RIPOR1: variants seen among roughly 807,000 people sequenced by gnomAD.
RIPOR1 encodes the protein RHO family interacting cell polarization regulator 1, also known as rho family-interacting cell polarization regulator 1.
In RIPOR1, 58 loss-of-function variants were observed where a neutral mutation model predicts 116.5. That is an observed-to-expected ratio of 0.50 (90% CI 0.40 to 0.62). The LOEUF is 0.62. Ranked by LOEUF, RIPOR1 falls within the 20% of genes least tolerant of loss-of-function variation. RIPOR1 has a pLI of 0.00. For synonymous variants in RIPOR1, 605 were observed against 650.0 expected, an observed-to-expected ratio of 0.93 and a Z score of 1.05; for missense variants, 1,372 against 1,586.2, an observed-to-expected ratio of 0.86 and a Z score of 2.29.
Position 67,543,003 on chromosome 16 carries a change from C to A in RIPOR1, c.2217C>A (p.Ser739Arg). ...ATTCCAGTAGGAAACCCCTCACAAGCCCTGCCCCAGATCCCTCAGAGTCTA... is the reference window on the plus strand; with the variant it reads ...ATTCCAGTAGGAAACCCCTCACAAGACCTGCCCCAGATCCCTCAGAGTCTA... ...PAHSSRKPLT[S>R]PAPDPSESTV... is the part of the protein sequence containing the mutation. Residue 739 changes from serine (S) to arginine (R), a missense_variant, in exon 13 of 22, where the codon AGC becomes AGA. Around this residue, in one of 3 missense-constraint regions of RIPOR1, gnomAD observed 1,005 missense variants for 1,144.7 expected, o/e 0.88. Transcript: ENST00000042381. The surrounding 1 kb of genome is among the most constrained non-coding windows in gnomAD (Gnocchi z 4.7). The A allele has an allele frequency of 6.4e-7, 1 of 1,565,402 alleles. No individual in the cohort carries two copies. The highest frequency in any genetic ancestry group is 8.6e-7 in the Non-Finnish European group (1 of 1,156,506).
intron 1 of RIPOR1, among the ~76,000 whole-genome samples, chr16:67,520,063 A>AG (rs1491195441): frequency 5.7e-5 from 5 of 87,532 alleles, no homozygotes; most frequent in African/African-American, 1.8e-4. Flanking sequence ...ACTCCGTCTC[A>AG]AAAAAAAAAA....
intron 1 of RIPOR1, among the ~76,000 whole-genome samples, chr16:67,522,859 T>A (rs2050506466): frequency 6.6e-6 from 1 of 151,968 alleles, no homozygotes; most frequent in Non-Finnish European, 1.5e-5. Flanking sequence ...GTTCAGTGAC[T>A]GTTTCTTTCC....
rs377232109 is a variant in RIPOR1 at position 67,539,745 on chromosome 16, G to A, written c.354G>A (p.Leu118=). The A allele has an allele frequency of 6.7e-5, 108 of 1,614,038 alleles. No individual in the cohort carries two copies. Among genetic ancestry groups the A allele is most frequent in the Non-Finnish European group, 9.3e-6 (11 of 1,180,022 alleles). The stretch of plus-strand genomic sequence containing the variant: ...CCCTGCAGGGCTTCCTGTATGATCT[G>A]GACAAGGTGAGTATGCATGGAATGG... ...RNSRLGFLYD[L]DKQVKSIERF... Residue 118 remains leucine, a synonymous_variant, in exon 5 of 22, where the codon CTG becomes CTA. Transcript: ENST00000042381.
chr16:67,542,123 G>A lies in RIPOR1; in HGVS notation c.1337G>A (p.Arg446Gln), dbSNP rs773792869. ...VLANGHAPYS[R>Q]TLSHISEASV... ...GCAAATGGGCATGCACCCTACAGTC[G>A]GACTCTGAGCCACATCAGTGAGGCT... is the stretch of plus-strand genomic sequence containing the variant. The change falls in exon 13 of 22, where the codon CGG becomes CAG. Residue 446 changes from arginine to glutamine, a missense_variant. Physicochemically the swap from Arg to Gln is conservative, Grantham distance 43. Transcript: ENST00000042381. This position sits in a 1 kb window ranked among gnomAD's most constrained non-coding sequence, Gnocchi z 4.6. 5 of 1,613,450 alleles carry A rather than the reference G, an allele frequency of 3.1e-6. No individual in the cohort carries two copies. Among genetic ancestry groups the A allele is most frequent in the African/African-American group, 1.3e-5 (1 of 75,018 alleles).
intron 1 of RIPOR1, among the ~76,000 whole-genome samples, chr16:67,523,532 A>C (rs1437873216): frequency 6.6e-6 from 1 of 150,506 alleles, no homozygotes; most frequent in Admixed American, 6.6e-5. Flanking sequence ...AAAAAAAAAA[A>C]AAAAAAAAAA....
chr16:67,546,164 G>A lies in RIPOR1; in HGVS notation c.3495G>A (p.Leu1165=). ...CIKAPEGIEP[L]VYLCQTDTEA... is the part of the protein sequence containing the mutation. ...AGGCTCCCGAGGGCATTGAGCCCCT[G>A]GTGTACCTCTGCCAAACTGACACAG... Residue 1165 remains leucine (L), a synonymous_variant, in exon 21 of 22, where the codon CTG becomes CTA. Coordinates refer to ENST00000042381, the MANE Select transcript of RIPOR1 (RefSeq NM_024519.4). The A allele has an allele frequency of 6.2e-7, 1 of 1,613,988 alleles. No individual in the cohort carries two copies. The highest frequency in any genetic ancestry group is 8.5e-7 in the Non-Finnish European group (1 of 1,180,018).
chr16:67,540,531 C>A lies in RIPOR1; in HGVS notation c.675+30C>A, dbSNP rs372761052. The A allele has an allele frequency of 6.2e-7, 1 of 1,614,084 alleles. No homozygotes were observed. Among genetic ancestry groups the A allele is most frequent in the Non-Finnish European group, 8.5e-7 (1 of 1,179,998 alleles). On this transcript the variant is annotated intron_variant, in intron 9 of 21. Transcript: ENST00000042381. The surrounding 1 kb of genome is among the most constrained non-coding windows in gnomAD (Gnocchi z 4.7). ...GAGAATGTGCAGGGAAGGGCTGGGT[C>A]GGTAGGGTCCCAACACCTAGGCTGC...
In RIPOR1 at chr16:67,541,717, A is replaced by G. The variant is rs2050991362; in HGVS notation, c.1015A>G (p.Lys339Glu). Reference sequence around the variant, plus strand: ...TGTCAACAAGGCCTCCACAGTCACCAAGCGCTTCTCCACCTATAGCCAGAG... The same window carrying G: ...TGTCAACAAGGCCTCCACAGTCACCGAGCGCTTCTCCACCTATAGCCAGAG... Reference protein sequence around the residue: ...SSVNKASTVTKRFSTYSQSPP... With the variant: ...SSVNKASTVTERFSTYSQSPP... Residue 339 changes from lysine (K) to glutamate (E), a missense_variant, in exon 12 of 22, where the codon AAG becomes GAG. Around this residue, in one of 3 missense-constraint regions of RIPOR1, gnomAD observed 1,005 missense variants for 1,144.7 expected, o/e 0.88. Coordinates refer to ENST00000042381, the MANE Select transcript of RIPOR1 (RefSeq NM_024519.4). This position sits in a 1 kb window ranked among gnomAD's most constrained non-coding sequence, Gnocchi z 4.6. 1 of 1,613,992 alleles carries G rather than the reference A, an allele frequency of 6.2e-7. No homozygotes were observed. The highest frequency in any genetic ancestry group is 1.7e-5 in the Admixed American group (1 of 59,992).
rs781718325 is a variant in RIPOR1 at position 67,540,171 on chromosome 16, C to T, written c.533C>T (p.Ala178Val). 1.9e-6 allele frequency: 3 copies of T among 1,614,064 alleles called. No individual in the cohort carries two copies. The change falls in exon 7 of 22, where the codon GCA becomes GTA. Residue 178 changes from alanine to valine, a missense_variant. Coordinates refer to ENST00000042381, the MANE Select transcript of RIPOR1 (RefSeq NM_024519.4). This position sits in a 1 kb window ranked among gnomAD's most constrained non-coding sequence, Gnocchi z 4.7. The part of the protein sequence containing the change: ...PGSREARDSL[A>V]EATRGHREYT... ...AGCCGAGAGGCCCGGGACAGCCTGG[C>T]AGAGGCCACTCGGGGGCATCGCGAG... is the stretch of plus-strand genomic sequence containing the variant.
Position 67,545,289 on chromosome 16 carries a change from T to G in RIPOR1, c.3032-87T>G. 1.3e-6 allele frequency: 2 copies of G among 1,551,874 alleles called. No homozygotes were observed. Among genetic ancestry groups the G allele is most frequent in the Non-Finnish European group, 1.7e-6 (2 of 1,146,264 alleles). ...GGGTGGGGTTTGAACAGGGGGCCCC[T>G]GGACCTGAGCCTGGGATAGGAGCAT... On this transcript the variant is annotated intron_variant, in intron 17 of 21. Coordinates refer to ENST00000042381, the MANE Select transcript of RIPOR1 (RefSeq NM_024519.4). This position sits in a 1 kb window ranked among gnomAD's most constrained non-coding sequence, Gnocchi z 4.8.
At chr16:67,546,338 C>T (rs939531939) in intron 21 of RIPOR1, 28 bp from the exon 22 acceptor site, 2 of 1,610,464 alleles carry the variant, frequency 1.2e-6, no homozygotes, top group Non-Finnish European at 8.5e-7. Context: ...GCTAGGGCCA[C>T]CCTTGACCTC....
At chr16:67,536,065 G>T (rs2050786155) in intron 1 of RIPOR1, among the ~76,000 whole-genome samples, 1 of 152,164 alleles carries the variant, frequency 6.6e-6, no homozygotes, top group Non-Finnish European at 1.5e-5. Context: ...GAGTGTTTAT[G>T]GGATGGGGGA....
Position 67,546,237 on chromosome 16 carries a change from G to A in RIPOR1, c.3562+6G>A, listed in dbSNP as rs142702293. On this transcript the variant is annotated splice_donor_region_variant and intron_variant, in intron 21 of 21. Transcript: ENST00000042381. The stretch of plus-strand genomic sequence containing the variant: ...GCAAAGCCTACAGCAGTGTGGTGAG[G>A]CTGGGGGATGGAAGAGATGGGTGGA... 24,849 of 1,613,870 alleles carry A rather than the reference G, an allele frequency of 0.015. 245 individuals carry two copies. The highest frequency in any genetic ancestry group is 0.018 in the Non-Finnish European group (21,532 of 1,179,826).
At chr16:67,521,740 C>T (rs906155099) in intron 1 of RIPOR1, among the ~76,000 whole-genome samples, 1 of 152,188 alleles carries the variant, frequency 6.6e-6, no homozygotes, top group Non-Finnish European at 1.5e-5. Context: ...GGCGGTGTCC[C>T]CAGGGAAGCG....
In RIPOR1 at chr16:67,537,512, T is replaced by C. The variant is rs377346691; in HGVS notation, c.-23-912T>C. On this transcript the variant is annotated intron_variant, in intron 1 of 21. Transcript: ENST00000042381. The surrounding 1 kb of genome is among the most constrained non-coding windows in gnomAD (Gnocchi z 4.6). ...CGAGCCCGGAGCCCAGCCGGGCGGC[T>C]CGAAGTGGCCAGGGCCGGAAGGTCC... 9.8e-5 allele frequency: 125 copies of C among 1,277,916 alleles called. 1 individual carries two copies. In the East Asian group the frequency reaches 2.0e-3, roughly 20 times the overall value. The allele number at this position is 1,277,916 out of a possible 1,614,324, so 79.2% of individuals were successfully genotyped here.
At chr16:67,532,996 T>C (rs1203921392) in intron 1 of RIPOR1, among the ~76,000 whole-genome samples, 5 of 152,070 alleles carry the variant, frequency 3.3e-5, no homozygotes, top group African/African-American at 1.2e-4. Context: ...GGACCTGAAT[T>C]CTGGCTATAG....
In RIPOR1 at chr16:67,542,992, C is replaced by A. The variant is rs200922092; in HGVS notation, c.2206C>A (p.Pro736Thr). 1 of 1,571,942 alleles carries A rather than the reference C, an allele frequency of 6.4e-7. No individual in the cohort carries two copies. Among genetic ancestry groups the A allele is most frequent in the East Asian group, 2.2e-5 (1 of 44,666 alleles). ...HPSPAHSSRKPLTSPAPDPSE... is the reference protein window; with the variant it reads ...HPSPAHSSRKTLTSPAPDPSE... The stretch of plus-strand genomic sequence containing the variant: ...AAGTCCTGCCCATTCCAGTAGGAAA[C>A]CCCTCACAAGCCCTGCCCCAGATCC... The change falls in exon 13 of 22, where the codon CCC becomes ACC. Residue 736 changes from proline to threonine, a missense_variant. Physicochemically the swap from Pro to Thr is conservative, Grantham distance 38. This residue lies in a region of RIPOR1 where 1,005 missense variants were observed against 1,144.7 expected (regional missense o/e 0.88). Coordinates refer to ENST00000042381, the MANE Select transcript of RIPOR1 (RefSeq NM_024519.4). The surrounding 1 kb of genome is among the most constrained non-coding windows in gnomAD (Gnocchi z 4.6).
chr16:67,522,904 C>T (rs2050506813), intron 1 of RIPOR1, among the ~76,000 whole-genome samples: 1 of 152,142 alleles, frequency 6.6e-6, no homozygotes, highest in Non-Finnish European at 1.5e-5. Context: ...GTCACTGCCT[C>T]AAAGAGGCCT....
Position 67,540,569 on chromosome 16 carries a change from G to C in RIPOR1, c.676-10G>C, listed in dbSNP as rs1268593829. On this transcript the variant is annotated splice_polypyrimidine_tract_variant and intron_variant, in intron 9 of 21. Coordinates refer to ENST00000042381, the MANE Select transcript of RIPOR1 (RefSeq NM_024519.4). The surrounding 1 kb of genome is among the most constrained non-coding windows in gnomAD (Gnocchi z 4.7). ...ACACCTAGGCTGCCTCATCCTACCT[G>C]TTCCCCCAGATCTGCATGAAATATG... is the stretch of plus-strand genomic sequence containing the variant. 6.2e-7 allele frequency: 1 copy of C among 1,614,084 alleles called. No individual in the cohort carries two copies. Among genetic ancestry groups the C allele is most frequent in the Non-Finnish European group, 8.5e-7 (1 of 1,179,970 alleles).
Sources: gnomAD v4.1 joint callset for allele counts (sites outside exome capture counted in the v4.1 genomes callset) on GRCh38, gnomAD v4.1.1 for gene constraint, gnomAD v4.1.1 regional missense constraint, Gnocchi (gnomAD v3.1) non-coding constraint, MANE v1.5 for transcripts, NCBI Gene and HGNC (gene_info 2026-07-23, HGNC 2026-07-21) for gene names.